Variants in FANCM observed in about 807,000 individuals in gnomAD.
FANCM encodes the protein FA complementation group M, also known as Fanconi anemia group M protein.
In FANCM, 140 loss-of-function variants were observed where a neutral mutation model predicts 199.5. The ratio of observed to expected loss-of-function variants is 0.70; its 90% CI spans 0.61 to 0.81. The LOEUF is 0.81. Ranked by LOEUF, FANCM falls within the 30% of genes least tolerant of loss-of-function variation. FANCM has a pLI of 0.00. For synonymous variants in FANCM, 840 were observed against 836.8 expected (o/e 1.00, Z -0.07); for missense variants, 2,410 against 2,421.4 (o/e 1.00, Z 0.10).
At chr14:45,179,033 T>C (rs1178932584) in intron 14 of FANCM, among the ~76,000 whole-genome samples, 2 of 151,956 alleles carry the variant, frequency 1.3e-5, no homozygotes, top group Admixed American at 6.6e-5. Context: ...ACCCCGTCTC[T>C]ACTGAAAATA....
At chr14:45,140,421 A>G (rs1885826051) in intron 2 of FANCM, among the ~76,000 whole-genome samples, 2 of 152,200 alleles carry the variant, frequency 1.3e-5, no homozygotes, top group Admixed American at 6.5e-5. Context: ...TTTTCTGTAG[A>G]AGAAGCCCTA....
chr14:45,169,828 T>C (rs577495374), intron 11 of FANCM, among the ~76,000 whole-genome samples: 11 of 152,330 alleles, frequency 7.2e-5, no homozygotes, highest in East Asian at 3.9e-4. Context: ...AGAATGAATA[T>C]ACTATACATA....
chr14:45,156,907 A>C (rs1594775295), intron 8 of FANCM, among the ~76,000 whole-genome samples: 1 of 132,578 alleles, frequency 7.5e-6, no homozygotes, highest in African/African-American at 3.1e-5. Context: ...AAAGAGTGAG[A>C]CTCTGTCTCA....
intron 14 of FANCM, among the ~76,000 whole-genome samples, chr14:45,179,343 C>T (rs759645516): frequency 2.0e-5 from 3 of 152,116 alleles, no homozygotes; most frequent in African/African-American, 7.2e-5. Flanking sequence ...ATTTTCCTGG[C>T]TGTTCTCTGG....
chr14:45,140,149 G>A (rs982402951), intron 2 of FANCM, among the ~76,000 whole-genome samples: 4 of 152,148 alleles, frequency 2.6e-5, no homozygotes, highest in Non-Finnish European at 4.4e-5. Flanking sequence ...GGGTATAGCC[G>A]TAAGGCTGAA....
In FANCM at chr14:45,136,083, C is replaced by G; in HGVS notation, c.52C>G (p.Arg18Gly). 1 of 1,614,032 alleles carries G rather than the reference C, an allele frequency of 6.2e-7. No homozygotes were observed. Among genetic ancestry groups the G allele is most frequent in the South Asian group, 1.1e-5 (1 of 91,076 alleles). Residue 18 changes from arginine (R) to glycine (G), a missense_variant, in exon 1 of 23, where the codon CGA becomes GGA. Physicochemically the swap from Arg to Gly is moderately radical, Grantham distance 125 (BLOSUM62 -2). Transcript: ENST00000267430. Reference sequence around the variant, plus strand: ...TCAGACGTGGGGCTCAAGTATCTCCCGATCATCTGGGACTCCGGGTTGCAG... The same window carrying G: ...TCAGACGTGGGGCTCAAGTATCTCCGGATCATCTGGGACTCCGGGTTGCAG... ...LFQTWGSSISRSSGTPGCSSG... is the reference protein window; with the variant it reads ...LFQTWGSSISGSSGTPGCSSG...
At chr14:45,167,989 A>G (rs182784700) in intron 11 of FANCM, among the ~76,000 whole-genome samples, 14 of 152,288 alleles carry the variant, frequency 9.2e-5, no homozygotes, top group Non-Finnish European at 1.5e-5. Context: ...TCTTACGCTG[A>G]AAAATCTGTG....
In FANCM at chr14:45,159,572, C is replaced by T. The variant is rs226976; in HGVS notation, c.1581+292C>T. 0.97 allele frequency among the ~76,000 whole-genome samples: 148,460 copies of T among 152,274 alleles called. 72,511 individuals carry two copies. Among genetic ancestry groups the T allele is most frequent in the African/African-American group, 0.99 (41,324 of 41,564 alleles). ...TACCACTTAAAAGTTTCTTTACTTCCTCTTCCTCAGTTTTCCTTATCTGTA... is the reference window on the plus strand; with the variant it reads ...TACCACTTAAAAGTTTCTTTACTTCTTCTTCCTCAGTTTTCCTTATCTGTA... On this transcript the variant is annotated intron_variant, in intron 9 of 22. Transcript: ENST00000267430.
chr14:45,189,954 C>T, intron 20 of FANCM, among the ~76,000 whole-genome samples: 1 of 143,644 alleles, frequency 7.0e-6, no homozygotes. Context: ...GGTGACAGAG[C>T]AAGACTCCAT....
rs1888721228 is a variant in FANCM at position 45,176,625 on chromosome 14, A to G, written c.3871A>G (p.Ser1291Gly). 6.2e-7 allele frequency: 1 copy of G among 1,611,970 alleles called. No homozygotes were observed. The highest frequency in any genetic ancestry group is 8.5e-7 in the Non-Finnish European group (1 of 1,179,046). The change falls in exon 14 of 23, where the codon AGT becomes GGT. Residue 1291 changes from serine (S) to glycine (G), a missense_variant. Coordinates refer to ENST00000267430, the MANE Select transcript of FANCM (RefSeq NM_020937.4). Reference sequence around the variant, plus strand: ...AAGAGATCATAGTAAAAATTTTACTAGTGGAACTGTTATTATCCCATCAAA... The same window carrying G: ...AAGAGATCATAGTAAAAATTTTACTGGTGGAACTGTTATTATCCCATCAAA... ...IPRDHSKNFT[S>G]GTVIIPSNED...
intron 5 of FANCM, among the ~76,000 whole-genome samples, chr14:45,152,780 G>A (rs909250042): frequency 4.6e-5 from 7 of 152,196 alleles, no homozygotes; most frequent in African/African-American, 1.7e-4. Context: ...GATAATATAG[G>A]TTGTGACTAC....
chr14:45,162,981 A>G (rs1460601062), intron 9 of FANCM, among the ~76,000 whole-genome samples: 2 of 151,140 alleles, frequency 1.3e-5, no homozygotes, highest in Non-Finnish European at 3.0e-5. Context: ...TTTAATCATG[A>G]TCATTGTTTC....
intron 20 of FANCM, among the ~76,000 whole-genome samples, chr14:45,192,517 C>A (rs1489717091): frequency 6.6e-6 from 1 of 152,214 alleles, no homozygotes; most frequent in African/African-American, 2.4e-5. Flanking sequence ...GTGGCACATG[C>A]CTGTAGCCCC....
intron 14 of FANCM, among the ~76,000 whole-genome samples, chr14:45,178,787 A>G (rs1053039540): frequency 4.6e-5 from 7 of 152,186 alleles, no homozygotes; most frequent in African/African-American, 1.7e-4. Context: ...TGTATTTGTT[A>G]TCTATTGCTG....
chr14:45,163,547 G>A (rs1393775370), intron 9 of FANCM, among the ~76,000 whole-genome samples: 2 of 152,118 alleles, frequency 1.3e-5, no homozygotes, highest in African/African-American at 2.4e-5. Context: ...TCCTTCTCAC[G>A]CTATTGTGGT....
At chr14:45,170,781 C>G (rs200491978) in intron 12 of FANCM, 35 bp downstream of exon 12, 5 of 1,577,822 alleles carry the variant, frequency 3.2e-6, no homozygotes, top group African/African-American at 1.4e-5. Context: ...TTCTTTTCCC[C>G]CCCCTCATTT....
chr14:45,163,358 T>C (rs1269928066), intron 9 of FANCM, among the ~76,000 whole-genome samples: 1 of 151,210 alleles, frequency 6.6e-6, no homozygotes, highest in Non-Finnish European at 1.5e-5. Context: ...TAGCTATCAT[T>C]ATTTATCAGC....
At chr14:45,166,628 TA>T (rs1344415578) in intron 10 of FANCM, among the ~76,000 whole-genome samples, 4 of 151,774 alleles carry the variant, frequency 2.6e-5, no homozygotes, top group Non-Finnish European at 1.5e-5. Context: ...AAATAAAGAT[TA>T]ACTGGGTGTG....
chr14:45,136,729 AT>A (rs1566717486), intron 1 of FANCM, among the ~76,000 whole-genome samples, 190 bp downstream of exon 1: 1 of 152,226 alleles, frequency 6.6e-6, no homozygotes, highest in Non-Finnish European at 1.5e-5. Flanking sequence ...TTGTCATAGT[AT>A]TTTGAAGCTA....
Sources: allele counts gnomAD v4.1 joint callset (sites outside exome capture counted in the v4.1 genomes callset), GRCh38; gene constraint gnomAD v4.1.1; transcripts MANE v1.5; gene names NCBI Gene and HGNC (gene_info 2026-07-23, HGNC 2026-07-21).